The following INPP5B variants were observed in gnomAD, a reference collection of about 807,000 sequenced individuals.
INPP5B encodes the protein type II inositol 1,4,5-trisphosphate 5-phosphatase.
In INPP5B, 90 loss-of-function variants were observed where a neutral mutation model predicts 118.5. The observed-to-expected ratio is 0.76, with a 90% CI of 0.64 to 0.90. The LOEUF is 0.90. INPP5B is among the 40% of genes least tolerant of loss of function. The pLI, the probability that INPP5B is intolerant of heterozygous loss-of-function variation, is 0.00. For missense variants in INPP5B, 984 were observed against 1,125.6 expected, an observed-to-expected ratio of 0.87 and a Z score of 1.80; for synonymous variants, 385 against 418.9, an observed-to-expected ratio of 0.92 and a Z score of 0.99.
intron 6 of INPP5B, among the ~76,000 whole-genome samples, chr1:37,933,059 T>A (rs1645551429): frequency 6.6e-6 from 1 of 152,148 alleles, no homozygotes; most frequent in Non-Finnish European, 1.5e-5. Flanking sequence ...CTGAATAGGA[T>A]GTGCAAGGAC....
intron 7 of INPP5B, among the ~76,000 whole-genome samples, chr1:37,893,921 C>T (rs1490884712): frequency 2.0e-5 from 3 of 152,216 alleles, no homozygotes; most frequent in Non-Finnish European, 4.4e-5. Flanking sequence ...CCTACCCATC[C>T]TGTGCCAGGG....
Position 37,945,870 on chromosome 1 carries a change from G to A in INPP5B, c.58-20C>T. On this transcript the variant is annotated intron_variant, in intron 2 of 23. Transcript: ENST00000373024. ...CACCGCCTGCGGCTCAGAGTCAAGG[G>A]AAGACAACCCAGAGGCGAGGCCTCT... 6.2e-7 allele frequency: 1 copy of A among 1,612,442 alleles called. No individual in the cohort carries two copies. The highest frequency in any genetic ancestry group is 1.7e-5 in the Admixed American group (1 of 59,948).
At chr1:37,866,594 A>T (rs1553151385) in intron 20 of INPP5B, 51 bp from the exon 21 acceptor site, 1 of 1,123,844 alleles carries the variant, frequency 8.9e-7, no homozygotes, top group Non-Finnish European at 1.4e-6. Flanking sequence ...GAAAATCATC[A>T]ATGATTTCCT....
Position 37,888,309 on chromosome 1 carries a change from G to T in INPP5B, c.833C>A (p.Ser278Tyr), listed in dbSNP as rs746106372. 1.3e-6 allele frequency: 2 copies of T among 1,573,268 alleles called. No individual in the cohort carries two copies. Residue 278 changes from serine to tyrosine, a missense_variant, in exon 10 of 24, where the codon TCC (serine) becomes TAC (tyrosine). Transcript: ENST00000373024. ...CCACAGCCGGAGGCATTCTTTGGGG[G>T]ACTGCCCATTTACATTGTATGTTCC... The part of the protein sequence containing the change: ...FAGTYNVNGQ[S>Y]PKECLRLWLS...
intron 7 of INPP5B, among the ~76,000 whole-genome samples, chr1:37,920,979 G>A (rs560468667): frequency 6.6e-6 from 1 of 152,060 alleles, no homozygotes; most frequent in South Asian, 2.1e-4. Flanking sequence ...GGTGGCGGGC[G>A]CCTGTAGTCC....
At position 37,887,147 on chromosome 1, in the gene INPP5B, C is replaced by A. The variant is rs148809230; in HGVS notation, c.1015-143G>T. The A allele has an allele frequency of 1.6e-4, 125 of 772,896 alleles. No individual in the cohort carries two copies. The African/African-American group carries it at 2.0e-3, about 12-fold the overall frequency. The allele number at this position is 772,896 out of a possible 1,614,324, so 47.9% of individuals were successfully genotyped here. A position where few individuals can be genotyped will look rare whatever the true frequency, so the allele number is the denominator to read the frequency against. On this transcript the variant is annotated intron_variant, in intron 11 of 23. Transcript: ENST00000373024. ...CACAGGTAATCATCTGTTCAATTCA[C>A]CAAGCATGCTATGTGCTAACCTACG...
Position 37,875,586 on chromosome 1 carries a change from T to C in INPP5B, c.1788+20A>G. On this transcript the variant is annotated intron_variant, in intron 17 of 23. Transcript: ENST00000373024. ...CCCGGCCTGAGCCCAATGCTAATATTCTTAACATGTCCTTCCTACCTCTCG... is the reference window on the plus strand; with the variant it reads ...CCCGGCCTGAGCCCAATGCTAATATCCTTAACATGTCCTTCCTACCTCTCG... 1 of 1,591,556 alleles carries C rather than the reference T, an allele frequency of 6.3e-7. No homozygotes were observed. The highest frequency in any genetic ancestry group is 1.1e-5 in the South Asian group (1 of 90,580).
At chr1:37,882,020 A>T (rs1405120559) in intron 14 of INPP5B, among the ~76,000 whole-genome samples, 1 of 151,478 alleles carries the variant, frequency 6.6e-6, no homozygotes, top group Non-Finnish European at 1.5e-5. Flanking sequence ...AATTGCTTGA[A>T]CCCAGCAGGC....
At chr1:37,943,608 C>G (rs566366760) in intron 5 of INPP5B, 32 bp downstream of exon 5, 1 of 1,612,416 alleles carries the variant, frequency 6.2e-7, no homozygotes. Flanking sequence ...ACCCCTGCCC[C>G]GAGTGGGACC....
At chr1:37,888,948 G>C (rs1445092339) in intron 9 of INPP5B, among the ~76,000 whole-genome samples, 3 of 152,162 alleles carry the variant, frequency 2.0e-5, no homozygotes, top group African/African-American at 7.2e-5. Flanking sequence ...ATAAAACCTT[G>C]GAGGGATACA....
At chr1:37,912,583 GT>G (rs2148605555) in intron 7 of INPP5B, among the ~76,000 whole-genome samples, 1 of 152,102 alleles carries the variant, frequency 6.6e-6, no homozygotes, top group Non-Finnish European at 1.5e-5. Context: ...TCAACTACTT[GT>G]AAATGCCCTG....
rs1192274878 is a variant in INPP5B at position 37,886,797 on chromosome 1, G to A, written c.1131+91C>T. 5.7e-6 allele frequency: 5 copies of A among 873,478 alleles called. No individual in the cohort carries two copies. In the Admixed American group the frequency reaches 7.9e-5, roughly 14 times the overall value. The allele number at this position is 873,478 out of a possible 1,614,324, so 54.1% of individuals were successfully genotyped here. On this transcript the variant is annotated intron_variant, in intron 12 of 23. Coordinates refer to ENST00000373024, the MANE Select transcript of INPP5B (RefSeq NM_005540.3). Reference sequence around the variant, plus strand: ...CTTGGAATATTGGCACCTTCAAACTGGGACACGTGTAGTCACTGTGTCATC... The same window carrying A: ...CTTGGAATATTGGCACCTTCAAACTAGGACACGTGTAGTCACTGTGTCATC...
chr1:37,871,644 T>A (rs1642447920), intron 19 of INPP5B, among the ~76,000 whole-genome samples: 1 of 151,886 alleles, frequency 6.6e-6, no homozygotes, highest in Admixed American at 6.6e-5. Context: ...GGCTCACGCC[T>A]GTAATCCTAG....
rs1325643921 is a variant in INPP5B at position 37,907,522 on chromosome 1, G to A, written c.533-16068C>T. Among the ~76,000 whole-genome samples, 1 of 152,156 alleles carries A rather than the reference G, an allele frequency of 6.6e-6. No homozygotes were observed. Among genetic ancestry groups the A allele is most frequent in the East Asian group, 1.9e-4 (1 of 5,200 alleles). On this transcript the variant is annotated intron_variant, in intron 7 of 23. Transcript: ENST00000373024. This position sits in a 1 kb window ranked among gnomAD's most constrained non-coding sequence, Gnocchi z 4.3. ...CCACAGTAACTCCATCTTGAATAGG[G>A]GCCAGGTAAAATAAGGCTAAGACCT...
At chr1:37,930,036 C>T (rs548045973) in intron 7 of INPP5B, 1 of 152,228 alleles carries the variant, frequency 6.6e-6, no homozygotes, top group South Asian at 2.1e-4. Context: ...GCCTGGCTGA[C>T]AAAATTTTTA....
At chr1:37,913,077 G>A (rs1366760037) in intron 7 of INPP5B, among the ~76,000 whole-genome samples, 1 of 152,004 alleles carries the variant, frequency 6.6e-6, no homozygotes. Flanking sequence ...CTAACACAGT[G>A]AAATTCTGTC....
chr1:37,923,035 C>T (rs1645108842), intron 7 of INPP5B, among the ~76,000 whole-genome samples: 2 of 152,050 alleles, frequency 1.3e-5, no homozygotes, highest in South Asian at 2.1e-4. Flanking sequence ...AACCAGGAAG[C>T]GGGGAGGGCA....
rs777064380 is a variant in INPP5B at position 37,888,374 on chromosome 1, C to A, written c.798-30G>T. ...CACCAAAGAGAAATAATTAGTGACT[C>A]CGAATCACTATGGAGATAACAGGAG... On this transcript the variant is annotated intron_variant, in intron 9 of 23. Transcript: ENST00000373024. The A allele has an allele frequency of 2.2e-6, 3 of 1,374,484 alleles. No homozygotes were observed. In the Admixed American group the frequency reaches 6.8e-5, roughly 31 times the overall value. The allele number at this position is 1,374,484 out of a possible 1,614,324, so 85.1% of individuals were successfully genotyped here.
chr1:37,943,786 CCT>C lies in INPP5B; in HGVS notation c.250+8_250+9del, dbSNP rs770033580. 3.1e-6 allele frequency: 5 copies of C among 1,613,562 alleles called. No individual in the cohort carries two copies. In the Admixed American group the frequency reaches 8.3e-5, roughly 27 times the overall value. ...GGAGAGGATTCATACCACCCAGCCC[CCT>C]GTGGCACCTTCTTCCAGCGTAAAAT... On this transcript the variant is annotated splice_region_variant and intron_variant, in intron 4 of 23. Coordinates refer to ENST00000373024, the MANE Select transcript of INPP5B (RefSeq NM_005540.3).
Sources: gnomAD v4.1 joint callset for allele counts (sites outside exome capture counted in the v4.1 genomes callset) on GRCh38, gnomAD v4.1.1 for gene constraint, Gnocchi (gnomAD v3.1) non-coding constraint, MANE v1.5 for transcripts, NCBI Gene and HGNC (gene_info 2026-07-23, HGNC 2026-07-21) for gene names.